The following ABCC3 variants were observed in gnomAD, a reference collection of about 807,000 sequenced individuals.
The protein encoded by ABCC3 is ATP binding cassette subfamily C member 3.
Under a neutral mutation model 165.3 loss-of-function variants are expected in ABCC3, and 121 were observed. The ratio of observed to expected loss-of-function variants is 0.73; its 90% CI spans 0.63 to 0.85. ABCC3 has a LOEUF of 0.85. ABCC3 is among the 40% of genes least tolerant of loss of function. The pLI is 0.00. For missense variants in ABCC3, 1,869 were observed against 1,964.1 expected (o/e 0.95, Z 0.92); for synonymous variants, 733 against 810.1 (o/e 0.90, Z 1.62).
chr17:50,678,130 G>A lies in ABCC3; in HGVS notation c.3616G>A (p.Val1206Met), dbSNP rs753608845. ...CGGAGTGGAGTTCGTGGGGAACTGC[G>A]TGGTGCTCTTTGCTGCACTATTTGC... The part of the protein sequence containing the change: ...SIGVEFVGNC[V>M]VLFAALFAVI... The change falls in exon 25 of 31, where the codon GTG (valine) becomes ATG (methionine). Residue 1206 changes from valine (V) to methionine (M), a missense_variant. Transcript: ENST00000285238. 3.8e-6 allele frequency: 6 copies of A among 1,582,562 alleles called. No individual in the cohort carries two copies. Among genetic ancestry groups the A allele is most frequent in the South Asian group, 2.4e-5 (2 of 85,022 alleles).
chr17:50,683,044 G>A (rs748926339), intron 26 of ABCC3, among the ~76,000 whole-genome samples: 2 of 152,050 alleles, frequency 1.3e-5, no homozygotes, highest in African/African-American at 2.4e-5. Context: ...TCTCTTCAGA[G>A]TTTTTCTTTA....
intron 15 of ABCC3, 38 bp from the exon 16 acceptor site, chr17:50,669,102 C>G (rs565089412): frequency 6.3e-7 from 1 of 1,587,898 alleles, no homozygotes; most frequent in Non-Finnish European, 8.6e-7. Flanking sequence ...AACCCTGATC[C>G]CTGCCTCTAA....
intron 30 of ABCC3, among the ~76,000 whole-genome samples, chr17:50,690,077 G>A (rs959324170): frequency 2.6e-5 from 4 of 152,214 alleles, no homozygotes; most frequent in Admixed American, 6.5e-5. Context: ...GAAAGAATGA[G>A]TAAGAGTTGG....
intron 28 of ABCC3, 96 bp from the exon 29 acceptor site, chr17:50,684,613 T>C: frequency 1.5e-6 from 2 of 1,333,890 alleles, no homozygotes; most frequent in South Asian, 2.9e-5. Context: ...GTGGGAATGC[T>C]GCCACCTTAA....
chr17:50,657,653 G>C (rs1967280878), intron 4 of ABCC3, among the ~76,000 whole-genome samples: 1 of 152,162 alleles, frequency 6.6e-6, no homozygotes, highest in African/African-American at 2.4e-5. Context: ...CCAACCTAGT[G>C]CCTCCCATTT....
At chr17:50,664,702 C>CA (rs58513664) in intron 10 of ABCC3, 2,843 of 47,338 alleles carry the variant, frequency 0.06, 141 homozygotes, top group East Asian at 0.2. Flanking sequence ...GACTCTGTCT[C>CA]AAAAAAAAAA....
rs541893743 is a variant in ABCC3, at chr17:50,635,838, G to T, written c.45+857G>T. 14 of 460,592 alleles carry T rather than the reference G, an allele frequency of 3.0e-5. No homozygotes were observed. The East Asian group carries it at 4.8e-4, about 16-fold the overall frequency. 28.5% of individuals were successfully genotyped at this position (460,592 alleles called of 1,614,324 possible). A position where few individuals can be genotyped will look rare whatever the true frequency, so the allele number is the denominator to read the frequency against. Reference sequence around the variant, plus strand: ...TTTTAGATTACTGTGAGCTATGATCGCACCACTGCACTGTGGCCTGGGCGA... The same window carrying T: ...TTTTAGATTACTGTGAGCTATGATCTCACCACTGCACTGTGGCCTGGGCGA... On this transcript the variant is annotated intron_variant, in intron 1 of 30. Transcript: ENST00000285238.
intron 8 of ABCC3, among the ~76,000 whole-genome samples, chr17:50,661,871 G>C (rs1333483160): frequency 1.3e-5 from 2 of 152,180 alleles, no homozygotes; most frequent in Admixed American, 1.3e-4. Flanking sequence ...GCACCCACTG[G>C]CTTGGGAGGT....
In ABCC3 at chr17:50,657,033, C is replaced by G. The variant is rs758850700; in HGVS notation, c.349-13C>G. 9 of 1,611,158 alleles carry G rather than the reference C, an allele frequency of 5.6e-6. No individual in the cohort carries two copies. Among genetic ancestry groups the G allele is most frequent in the Non-Finnish European group, 7.6e-6 (9 of 1,178,590 alleles). ...GTGTGTTCTGCCCGGGCCTCCCTGC[C>G]CTCCCTGCACAGCTGCTGGCCACCC... is the stretch of plus-strand genomic sequence containing the variant. On this transcript the variant is annotated splice_polypyrimidine_tract_variant and intron_variant, in intron 3 of 30. Transcript: ENST00000285238.
chr17:50,668,955 C>T (rs767380365), intron 15 of ABCC3, 36 bp downstream of exon 15: 19 of 1,608,754 alleles, frequency 1.2e-5, no homozygotes, highest in Middle Eastern at 1.6e-4. Flanking sequence ...CAGCTGCCCA[C>T]GGTGGGCTGG....
At position 50,675,454 on chromosome 17, in the gene ABCC3, G is replaced by A; in HGVS notation, c.2692G>A (p.Val898Met). Reference protein sequence around the residue: ...DLTDNDPVTYVVQKQFMRQLS... With the variant: ...DLTDNDPVTYMVQKQFMRQLS... ...GACAGACAATGATCCAGTCACCTAT[G>A]TGGTCCAGAAGCAGTTTATGAGGTG... The change falls in exon 20 of 31, where the codon GTG becomes ATG. Residue 898 changes from valine (V) to methionine (M), a missense_variant. Val to Met is a conservative substitution (Grantham distance 21, BLOSUM62 1). Transcript: ENST00000285238. 6.2e-7 allele frequency: 1 copy of A among 1,613,864 alleles called. No homozygotes were observed. Among genetic ancestry groups the A allele is most frequent in the East Asian group, 2.2e-5 (1 of 44,880 alleles).
At chr17:50,665,791 T>C (rs1967513634) in intron 11 of ABCC3, among the ~76,000 whole-genome samples, 1 of 151,360 alleles carries the variant, frequency 6.6e-6, no homozygotes, top group Non-Finnish European at 1.5e-5. Context: ...TTTTTTTTTT[T>C]AGTAGAGATG....
chr17:50,655,765 T>C, intron 1 of ABCC3, 67 bp from the exon 2 acceptor site: 2 of 1,482,032 alleles, frequency 1.3e-6, no homozygotes, highest in Non-Finnish European at 1.9e-6. Flanking sequence ...AGCTAAGCCA[T>C]CTTCCTCAAG....
intron 15 of ABCC3, 101 bp from the exon 16 acceptor site, chr17:50,669,039 G>A: frequency 1.3e-6 from 2 of 1,594,218 alleles, no homozygotes; most frequent in East Asian, 2.2e-5. Flanking sequence ...CTGCCAGGGG[G>A]GTGTCTGGAA....
rs139452504 is a variant in ABCC3, at chr17:50,657,087, C to T, written c.390C>T (p.Gly130=). 332 of 1,614,162 alleles carry T rather than the reference C, an allele frequency of 2.1e-4. 2 individuals are homozygous for T. The East Asian group carries it at 5.9e-3, about 28-fold the overall frequency. The change falls in exon 4 of 31, where the codon GGC becomes GGT. Residue 130 remains glycine (G), a synonymous_variant. Coordinates refer to ENST00000285238, the MANE Select transcript of ABCC3 (RefSeq NM_003786.4). Reference sequence around the variant, plus strand: ...TGATACAGTATGAGCGGCTGCAGGGCGTACAGTCTTCGGGGGTCCTCATTA... The same window carrying T: ...TGATACAGTATGAGCGGCTGCAGGGTGTACAGTCTTCGGGGGTCCTCATTA... ...TLLIQYERLQ[G]VQSSGVLIIF... is the part of the protein sequence containing the mutation.
At position 50,691,914 on chromosome 17, in the gene ABCC3, G is replaced by A. The variant is rs905310441; in HGVS notation, c.*714G>A. On this transcript the variant is annotated 3_prime_UTR_variant, in exon 31 of 31. Coordinates refer to ENST00000285238, the MANE Select transcript of ABCC3 (RefSeq NM_003786.4). ...CTCTGCTGTGCAGATATTGTAAAAC[G>A]GTGAGAAAGGCCCTGAAATCTGACC... 1 of 152,204 alleles carries A rather than the reference G, an allele frequency of 6.6e-6. No individual in the cohort carries two copies. Among genetic ancestry groups the A allele is most frequent in the East Asian group, 1.9e-4 (1 of 5,204 alleles). 9.4% of individuals were successfully genotyped at this position (152,204 alleles called of 1,614,324 possible).
chr17:50,678,373 A>C (rs1476873585), intron 25 of ABCC3, among the ~76,000 whole-genome samples, 154 bp downstream of exon 25: 1 of 152,170 alleles, frequency 6.6e-6, no homozygotes, highest in African/African-American at 2.4e-5. Context: ...AAAAGAAAAA[A>C]ATCATTGAGT....
chr17:50,689,877 T>A (rs1252978558), intron 30 of ABCC3, among the ~76,000 whole-genome samples: 1 of 152,188 alleles, frequency 6.6e-6, no homozygotes, highest in Non-Finnish European at 1.5e-5. Flanking sequence ...GGTGAGGGGC[T>A]TGGATGGACC....
intron 29 of ABCC3, among the ~76,000 whole-genome samples, chr17:50,686,054 C>T (rs932784996): frequency 6.6e-5 from 10 of 152,132 alleles, no homozygotes; most frequent in Admixed American, 5.9e-4. Flanking sequence ...ATTAGCTAGG[C>T]GTGATGGCGG....
Sources: gnomAD v4.1 joint callset for allele counts (sites outside exome capture counted in the v4.1 genomes callset) on GRCh38, gnomAD v4.1.1 for gene constraint, MANE v1.5 for transcripts, NCBI Gene and HGNC (gene_info 2026-07-23, HGNC 2026-07-21) for gene names.